The following ZMAT4 variants were observed in gnomAD, a reference collection of about 807,000 sequenced individuals.
ZMAT4 encodes zinc finger matrin-type 4.
Under a neutral mutation model 28.7 loss-of-function variants are expected in ZMAT4, and 17 were observed. That is an observed-to-expected ratio of 0.59 (90% CI 0.41 to 0.89). ZMAT4 has a LOEUF of 0.89. Ranked by LOEUF, ZMAT4 falls within the 40% of genes least tolerant of loss-of-function variation. ZMAT4 has a pLI of 0.00. For synonymous variants in ZMAT4, 117 were observed against 109.2 expected (o/e 1.07, Z -0.44); for missense variants, 240 against 283.8 (o/e 0.85, Z 1.11).
At chr8:40,579,109 G>T (rs1804366423) in intron 6 of ZMAT4, among the ~76,000 whole-genome samples, 1 of 152,160 alleles carries the variant, frequency 6.6e-6, no homozygotes, top group African/African-American at 2.4e-5. Context: ...TGAGATAATA[G>T]ATGTGAAAAT....
intron 3 of ZMAT4, among the ~76,000 whole-genome samples, chr8:40,722,869 A>C (rs1199533561): frequency 6.6e-6 from 1 of 152,138 alleles, no homozygotes; most frequent in African/African-American, 2.4e-5. Context: ...CCACATGCAT[A>C]CTCAGAAGTT....
Position 40,767,674 on chromosome 8 carries a change from T to A in ZMAT4, c.159A>T (p.Gly53=), listed in dbSNP as rs753254755. ...ACCGGAGCCTCTTGGCAGGACACCC[T>A]CCATCCCTGGGGTGAAGCATGTAAT... ...RLYYMLHPRD[G]GCPAKRLRSE... The change falls in exon 3 of 7, where the codon GGA becomes GGT. Residue 53 remains glycine, a synonymous_variant. Coordinates refer to ENST00000297737, the MANE Select transcript of ZMAT4 (RefSeq NM_024645.3). 1 of 1,612,972 alleles carries A rather than the reference T, an allele frequency of 6.2e-7. No homozygotes were observed. The highest frequency in any genetic ancestry group is 1.7e-5 in the Admixed American group (1 of 59,722).
chr8:40,537,123 C>T (rs1324478516), intron 6 of ZMAT4, among the ~76,000 whole-genome samples: 2 of 151,926 alleles, frequency 1.3e-5, no homozygotes, highest in East Asian at 1.9e-4. Context: ...AAAAGAAGCA[C>T]TCAAATGTAC....
At chr8:40,803,471 C>A (rs1228061133) in intron 2 of ZMAT4, among the ~76,000 whole-genome samples, 3 of 152,024 alleles carry the variant, frequency 2.0e-5, no homozygotes, top group Admixed American at 6.5e-5. Context: ...ACACAGGTGG[C>A]AAATAAGCAT....
chr8:40,800,682 C>T (rs1238490353), intron 2 of ZMAT4, among the ~76,000 whole-genome samples: 1 of 151,756 alleles, frequency 6.6e-6, no homozygotes, highest in African/African-American at 2.4e-5. Flanking sequence ...TCAAGAAACA[C>T]TTTAAGATAT....
At chr8:40,731,328 CA>C (rs1369380430) in intron 3 of ZMAT4, among the ~76,000 whole-genome samples, 2 of 151,958 alleles carry the variant, frequency 1.3e-5, no homozygotes. Flanking sequence ...TGCACATGCC[CA>C]GTAAAAGGCA....
chr8:40,722,479 C>T (rs890017990), intron 3 of ZMAT4, among the ~76,000 whole-genome samples: 2 of 152,110 alleles, frequency 1.3e-5, no homozygotes, highest in African/African-American at 4.8e-5. Flanking sequence ...AGCCACTTCC[C>T]CAGCTTTATT....
At chr8:40,601,442 A>G (rs1303245275) in intron 5 of ZMAT4, among the ~76,000 whole-genome samples, 5,856 of 113,640 alleles carry the variant, frequency 0.052, 651 homozygotes, top group Admixed American at 0.13. Flanking sequence ...GGAAGGAAGG[A>G]AGGAAGGAAG....
At chr8:40,848,928 AC>A (rs1817003370) in intron 1 of ZMAT4, among the ~76,000 whole-genome samples, 1 of 152,186 alleles carries the variant, frequency 6.6e-6, no homozygotes, top group South Asian at 2.1e-4. Context: ...CCCCCAAATG[AC>A]CTGCTTTGGA....
At chr8:40,551,319 T>C (rs777471569) in intron 6 of ZMAT4, among the ~76,000 whole-genome samples, 18 of 152,060 alleles carry the variant, frequency 1.2e-4, no homozygotes, top group Non-Finnish European at 2.1e-4. Flanking sequence ...AAAGAGAAAA[T>C]ATTTTCTTTC....
At chr8:40,715,805 G>T (rs1045124430) in intron 3 of ZMAT4, among the ~76,000 whole-genome samples, 1 of 152,164 alleles carries the variant, frequency 6.6e-6, no homozygotes, top group Non-Finnish European at 1.5e-5. Context: ...GGGTCCCTTC[G>T]TTCAGCAGGT....
At chr8:40,834,477 G>A (rs1816405510) in intron 1 of ZMAT4, among the ~76,000 whole-genome samples, 1 of 152,098 alleles carries the variant, frequency 6.6e-6, no homozygotes, top group Non-Finnish European at 1.5e-5. Context: ...AATGGCCTCT[G>A]CTTAAGTCCT....
chr8:40,794,736 G>C (rs145891912), intron 2 of ZMAT4, among the ~76,000 whole-genome samples: 1 of 152,226 alleles, frequency 6.6e-6, no homozygotes, highest in East Asian at 1.9e-4. Flanking sequence ...CCCAGGTCAG[G>C]CATGTCCCTC....
chr8:40,831,379 G>A (rs1816274533), intron 1 of ZMAT4, among the ~76,000 whole-genome samples: 1 of 152,166 alleles, frequency 6.6e-6, no homozygotes, highest in Non-Finnish European at 1.5e-5. Flanking sequence ...CCCATGACCT[G>A]CTTCCCAGGG....
chr8:40,593,783 A>G (rs1585729635), intron 5 of ZMAT4, among the ~76,000 whole-genome samples: 1 of 151,982 alleles, frequency 6.6e-6, no homozygotes, highest in African/African-American at 2.4e-5. Context: ...TTTCTCTCTT[A>G]CCCTCTCTGC....
intron 2 of ZMAT4, among the ~76,000 whole-genome samples, chr8:40,783,712 A>C (rs1813940518): frequency 6.6e-6 from 1 of 152,146 alleles, no homozygotes; most frequent in African/African-American, 2.4e-5. Context: ...AAAAATCTCA[A>C]GTATTAAAGA....
intron 5 of ZMAT4, among the ~76,000 whole-genome samples, chr8:40,615,324 A>G (rs561538297): frequency 6.9e-4 from 105 of 152,256 alleles, no homozygotes; most frequent in African/African-American, 2.4e-3. Flanking sequence ...TCCCTTTGTG[A>G]GTAACCCGAC....
Position 40,650,667 on chromosome 8 carries a change from A to G in ZMAT4, c.577+24037T>C, listed in dbSNP as rs1463433736. The stretch of plus-strand genomic sequence containing the variant: ...AATATCCTTGATGAACATTGATGCA[A>G]AAATCCTCAATAAAATACTGGCAAA... On this transcript the variant is annotated intron_variant, in intron 5 of 6. Coordinates refer to ENST00000297737, the MANE Select transcript of ZMAT4 (RefSeq NM_024645.3). Among the ~76,000 whole-genome samples the G allele has an allele frequency of 2.3e-5, 3 of 128,052 alleles. No homozygotes were observed. In the East Asian group the frequency reaches 7.8e-4, roughly 33 times the overall value. The allele number at this position is 128,052 out of a possible 152,430, so 84.0% of individuals were successfully genotyped here.
intron 2 of ZMAT4, among the ~76,000 whole-genome samples, chr8:40,783,769 G>T (rs1008377160): frequency 6.6e-6 from 1 of 152,162 alleles, no homozygotes; most frequent in African/African-American, 2.4e-5. Context: ...CCAGCACTTT[G>T]GAAGGCCGAG....
Sources: allele counts gnomAD v4.1 joint callset (sites outside exome capture counted in the v4.1 genomes callset), GRCh38; gene constraint gnomAD v4.1.1; transcripts MANE v1.5; gene names NCBI Gene and HGNC (gene_info 2026-07-23, HGNC 2026-07-21).